Variants in MIR17HG observed in about 807,000 individuals in gnomAD.
MIR17HG encodes the protein miR-17-92a-1 cluster host gene.
rs538279824 is a variant in MIR17HG at position 91,349,718 on chromosome 13, G to C, written n.161G>C. On this transcript the variant is annotated non_coding_transcript_exon_variant, in exon 2 of 4. Transcript: ENST00000400282. ...TCCAGTCATACACGTGGACCTAACT[G>C]CACCAGTAGCTTTTCTGAGAATACT... is the stretch of plus-strand genomic sequence containing the variant. The C allele has an allele frequency of 7.9e-5, 12 of 152,062 alleles. No individual in the cohort carries two copies. The East Asian group carries it at 2.1e-3, about 27-fold the overall frequency. The allele number at this position is 152,062 out of a possible 1,614,324, so 9.4% of individuals were successfully genotyped here.
intron 3 of MIR17HG, chr13:91,350,477 C>T (rs1566343924): frequency 3.8e-5 from 17 of 446,878 alleles, no homozygotes; most frequent in South Asian, 2.3e-4. Flanking sequence ...TTTTCTTCCC[C>T]ATTAGGGATT....
At chr13:91,352,780 G>T (rs1255072087) in intron 3 of MIR17HG, among the ~76,000 whole-genome samples, 1 of 152,050 alleles carries the variant, frequency 6.6e-6, no homozygotes, top group Non-Finnish European at 1.5e-5. Flanking sequence ...TGTCTTTTTG[G>T]TTATTTAGTG....
At chr13:91,351,642 A>G (rs1288811943) in intron 3 of MIR17HG, 3 of 270,350 alleles carry the variant, frequency 1.1e-5, no homozygotes, top group Non-Finnish European at 2.3e-5. Flanking sequence ...GACTAAACAT[A>G]CTGTATACCT....
intron 3 of MIR17HG, chr13:91,351,007 G>C (rs562884140): frequency 3.8e-6 from 2 of 528,950 alleles, no homozygotes; most frequent in Admixed American, 3.9e-5. Context: ...TACTAATTTT[G>C]TGTACTTTTA....
chr13:91,350,896 CCT>C (rs761092550), intron 3 of MIR17HG: 1 of 534,670 alleles, frequency 1.9e-6, no homozygotes, highest in South Asian at 1.4e-5. Context: ...TGTTTGCAGT[CCT>C]CTGTTAGTTT....
chr13:91,348,571 G>T (rs1221667238), intron 1 of MIR17HG, among the ~76,000 whole-genome samples: 1 of 151,184 alleles, frequency 6.6e-6, no homozygotes, highest in Non-Finnish European at 1.5e-5. Flanking sequence ...GATCGGCGCG[G>T]CCTGGGCGCC....
At chr13:91,349,831 T>C (rs1260475164) in intron 2 of MIR17HG, 1 of 152,236 alleles carries the variant, frequency 6.6e-6, no homozygotes, top group Admixed American at 6.5e-5. Context: ...GCTATTAAAG[T>C]TGAATAAATA....
Position 91,350,373 on chromosome 13 carries a change from G to A in MIR17HG, n.284+147G>A, listed in dbSNP as rs1389922084. 1.9e-5 allele frequency: 6 copies of A among 323,186 alleles called. No homozygotes were observed. The East Asian group carries it at 3.9e-4, about 21-fold the overall frequency. 20.0% of individuals were successfully genotyped at this position (323,186 alleles called of 1,614,324 possible). On this transcript the variant is annotated intron_variant and non_coding_transcript_variant, in intron 3 of 3. Transcript: ENST00000400282. ...AGAGCCACCACTTCCAGTGCTAGTT[G>A]GATGGTTGGTTATGATTGCCTTCTG... is the stretch of plus-strand genomic sequence containing the variant.
intron 1 of MIR17HG, among the ~76,000 whole-genome samples, chr13:91,348,430 C>T (rs1261259396): frequency 6.6e-6 from 1 of 150,550 alleles, no homozygotes; most frequent in Non-Finnish European, 1.5e-5. Flanking sequence ...GGCGGCGGCA[C>T]ATGGGGCAGG....
chr13:91,350,858 G>A (rs1256577495), intron 3 of MIR17HG: 1 of 534,786 alleles, frequency 1.9e-6, no homozygotes, highest in Non-Finnish European at 3.8e-6. Flanking sequence ...TTCAAGCCAA[G>A]CAAGTATATA....
At position 91,348,126 on chromosome 13, in the gene MIR17HG, C is replaced by T. The variant is rs573539750; in HGVS notation, n.140+167C>T. Among the ~76,000 whole-genome samples the T allele has an allele frequency of 4.0e-3, 512 of 127,002 alleles. 3 individuals carry two copies. Among genetic ancestry groups the T allele is most frequent in the African/African-American group, 0.014 (475 of 34,264 alleles). The allele number at this position is 127,002 out of a possible 152,430, so 83.3% of individuals were successfully genotyped here. ...TGGCCGCCCCGGCGTGTGGCAGCCG[C>T]ATCTGGCTGCCCCCTCGCTCGCCCG... On this transcript the variant is annotated intron_variant and non_coding_transcript_variant, in intron 1 of 3. Transcript: ENST00000400282.
chr13:91,350,974 A>G (rs1186617376), intron 3 of MIR17HG: 4 of 530,154 alleles, frequency 7.5e-6, no homozygotes, highest in Middle Eastern at 3.2e-4. Flanking sequence ...GTGGCCTGCT[A>G]TTTCCTTCAA....
chr13:91,352,367 A>G (rs1436102707), intron 3 of MIR17HG: 2 of 152,184 alleles, frequency 1.3e-5, no homozygotes, highest in Non-Finnish European at 2.9e-5. Context: ...ATTTAAAAGG[A>G]CCAAGTGGTA....
At chr13:91,348,554 G>C (rs1449064929) in intron 1 of MIR17HG, among the ~76,000 whole-genome samples, 1 of 151,286 alleles carries the variant, frequency 6.6e-6, no homozygotes, top group Non-Finnish European at 1.5e-5. Flanking sequence ...GGGCGGAGGG[G>C]CGCCGAGATC....
At chr13:91,351,296 T>G in intron 3 of MIR17HG, 2 of 531,706 alleles carry the variant, frequency 3.8e-6, no homozygotes, top group South Asian at 2.8e-5. Flanking sequence ...TGTAGAAAAG[T>G]AAGGGAAACT....
At chr13:91,354,266 T>TA (rs1875464413) in exon 4 of MIR17HG, 1 of 152,346 alleles carries the variant, frequency 6.6e-6, no homozygotes, top group African/African-American at 2.4e-5. Flanking sequence ...TACATCTTAT[T>TA]AAAGTCGAAA....
intron 3 of MIR17HG, chr13:91,351,231 G>T (rs1435060366): frequency 1.9e-6 from 1 of 530,120 alleles, no homozygotes; most frequent in South Asian, 1.4e-5. Flanking sequence ...GCATCCAGCT[G>T]TGTGATATTC....
Position 91,351,442 on chromosome 13 carries a change from G to A in MIR17HG, n.284+1216G>A, listed in dbSNP as rs182719017. Reference sequence around the variant, plus strand: ...AAAATTAAATATTACTGAAGATTTCGACTTCCACTGTTAAATGTACAAGAT... The same window carrying A: ...AAAATTAAATATTACTGAAGATTTCAACTTCCACTGTTAAATGTACAAGAT... On this transcript the variant is annotated intron_variant and non_coding_transcript_variant, in intron 3 of 3. Transcript: ENST00000400282. 13 of 498,722 alleles carry A rather than the reference G, an allele frequency of 2.6e-5. No homozygotes were observed. In the East Asian group the frequency reaches 5.8e-4, roughly 22 times the overall value. 30.9% of individuals were successfully genotyped at this position (498,722 alleles called of 1,614,324 possible).
chr13:91,349,147 G>A lies in MIR17HG; in HGVS notation n.141-551G>A, dbSNP rs184143976. ...CATGTGCTGCCGGCCCGGGCTCCAT[G>A]AGCGTGGCGGGCACTTTGCAGTCTC... is the stretch of plus-strand genomic sequence containing the variant. On this transcript the variant is annotated intron_variant and non_coding_transcript_variant, in intron 1 of 3. Coordinates refer to ENST00000400282, the Ensembl canonical transcript of MIR17HG. 4.3e-4 allele frequency among the ~76,000 whole-genome samples: 65 copies of A among 152,150 alleles called. 1 individual carries two copies. In the East Asian group the frequency reaches 0.011, roughly 25 times the overall value.
Sources: gnomAD v4.1 joint callset for allele counts (sites outside exome capture counted in the v4.1 genomes callset) on GRCh38, gnomAD v4.1.1 for gene constraint, MANE v1.5 for transcripts, NCBI Gene and HGNC (gene_info 2026-07-23, HGNC 2026-07-21) for gene names.